The following BRINP3 variants were observed in gnomAD, a reference collection of about 807,000 sequenced individuals.
The protein encoded by BRINP3 is BMP/retinoic acid-inducible neural-specific protein 3.
A neutral mutation model predicts 71.0 loss-of-function variants in BRINP3; 19 were observed. The observed-to-expected ratio is 0.27, with a 90% CI of 0.19 to 0.39. BRINP3 has a LOEUF of 0.39. Ranked by LOEUF, BRINP3 falls within the 10% of genes least tolerant of loss-of-function variation. The probability of loss-of-function intolerance (pLI) is 1.00; values close to 1 mark genes in which losing one functional copy is unlikely to be tolerated. For synonymous variants in BRINP3, 380 were observed against 337.7 expected, an observed-to-expected ratio of 1.13 and a Z score of -1.37; for missense variants, 959 against 940.8, an observed-to-expected ratio of 1.02 and a Z score of -0.25.
intron 7 of BRINP3, among the ~76,000 whole-genome samples, chr1:190,127,701 C>T (rs940987576): frequency 2.0e-5 from 3 of 151,808 alleles, no homozygotes; most frequent in Non-Finnish European, 2.9e-5. Context: ...GTAAAGATTG[C>T]ACATTTCAGT....
At chr1:190,348,401 C>A (rs1668161061) in intron 2 of BRINP3, among the ~76,000 whole-genome samples, 1 of 152,090 alleles carries the variant, frequency 6.6e-6, no homozygotes, top group South Asian at 2.1e-4. Context: ...ACTAACAAAT[C>A]TGAAGAGAAA....
At chr1:190,211,075 T>A (rs528708008) in intron 6 of BRINP3, among the ~76,000 whole-genome samples, 3 of 151,932 alleles carry the variant, frequency 2.0e-5, no homozygotes, top group Admixed American at 2.0e-4. Context: ...ACTTTTGAGG[T>A]TTTTGGACTC....
At chr1:190,421,397 C>T (rs1305100527) in intron 2 of BRINP3, among the ~76,000 whole-genome samples, 1 of 150,268 alleles carries the variant, frequency 6.7e-6, no homozygotes, top group Non-Finnish European at 1.5e-5. Flanking sequence ...ACTACTTAGG[C>T]CACTGATAAA....
intron 7 of BRINP3, among the ~76,000 whole-genome samples, chr1:190,110,024 T>C (rs1228514796): frequency 6.6e-6 from 1 of 152,206 alleles, no homozygotes; most frequent in Non-Finnish European, 1.5e-5. Flanking sequence ...TGTATGTATA[T>C]CTGTATATAT....
intron 6 of BRINP3, among the ~76,000 whole-genome samples, chr1:190,183,791 C>G (rs1653257610): frequency 6.6e-6 from 1 of 152,100 alleles, no homozygotes. Context: ...TTCTATCATA[C>G]CACCACAATA....
intron 3 of BRINP3, among the ~76,000 whole-genome samples, chr1:190,281,333 A>G (rs1052347376): frequency 6.6e-6 from 1 of 152,000 alleles, no homozygotes; most frequent in Non-Finnish European, 1.5e-5. Flanking sequence ...GTATGTTATT[A>G]GATTGTAAAT....
chr1:190,403,669 T>C (rs1406907463), intron 2 of BRINP3, among the ~76,000 whole-genome samples: 2 of 152,174 alleles, frequency 1.3e-5, no homozygotes, highest in African/African-American at 4.8e-5. Context: ...GAAATAAACT[T>C]TCTAGAGAAA....
At chr1:190,273,270 C>A (rs749106560) in intron 3 of BRINP3, among the ~76,000 whole-genome samples, 11 of 151,400 alleles carry the variant, frequency 7.3e-5, no homozygotes, top group African/African-American at 2.7e-4. Context: ...TAAATGATTG[C>A]GTTCAAAAGT....
intron 6 of BRINP3, among the ~76,000 whole-genome samples, chr1:190,196,692 T>A (rs1654510014): frequency 6.6e-6 from 1 of 152,000 alleles, no homozygotes; most frequent in East Asian, 1.9e-4. Context: ...TGAATATATG[T>A]AACTCTTAAG....
At chr1:190,225,633 T>C (rs922671349) in intron 6 of BRINP3, among the ~76,000 whole-genome samples, 9 of 151,986 alleles carry the variant, frequency 5.9e-5, no homozygotes, top group Admixed American at 5.3e-4. Flanking sequence ...CAAAACACTA[T>C]AAAATTAAAA....
rs374842769 is a variant in BRINP3, at chr1:190,118,020, T to G, written c.1185-18886A>C. 3.3e-5 allele frequency among the ~76,000 whole-genome samples: 5 copies of G among 152,174 alleles called. No individual in the cohort carries two copies. The East Asian group carries it at 9.7e-4, about 29-fold the overall frequency. On this transcript the variant is annotated intron_variant, in intron 7 of 7. Transcript: ENST00000367462. ...ACAGCAGAAGTTGTCACCAAAGGTT[T>G]GGTTAGAACCAAATGCATTATGTTT...
At chr1:190,350,359 A>G (rs571125908) in intron 2 of BRINP3, among the ~76,000 whole-genome samples, 1 of 152,122 alleles carries the variant, frequency 6.6e-6, no homozygotes, top group Non-Finnish European at 1.5e-5. Context: ...AAGTTCCTAA[A>G]AAGTACAAAC....
chr1:190,138,626 T>G (rs548833873), intron 7 of BRINP3, among the ~76,000 whole-genome samples: 1 of 152,180 alleles, frequency 6.6e-6, no homozygotes, highest in Admixed American at 6.5e-5. Context: ...GAGAAATAAT[T>G]GAACGCTGTG....
chr1:190,457,379 G>T (rs1421126300), intron 1 of BRINP3, among the ~76,000 whole-genome samples: 1 of 152,058 alleles, frequency 6.6e-6, no homozygotes, highest in Non-Finnish European at 1.5e-5. Flanking sequence ...GGGAGACAGG[G>T]GTTGCGGTGA....
At chr1:190,158,800 A>C (rs1242311297) in intron 7 of BRINP3, among the ~76,000 whole-genome samples, 4 of 151,916 alleles carry the variant, frequency 2.6e-5, no homozygotes, top group African/African-American at 9.7e-5. Context: ...ACTATCAAGA[A>C]AACTAAAAGT....
At chr1:190,121,419 C>A (rs892903013) in intron 7 of BRINP3, among the ~76,000 whole-genome samples, 2 of 152,022 alleles carry the variant, frequency 1.3e-5, no homozygotes, top group African/African-American at 2.4e-5. Flanking sequence ...ATTAAGGTAA[C>A]TTAAAACAAA....
chr1:190,393,062 TATA>T (rs1461733154), intron 2 of BRINP3, among the ~76,000 whole-genome samples: 1 of 151,570 alleles, frequency 6.6e-6, no homozygotes, highest in Non-Finnish European at 1.5e-5. Context: ...CATTATATAT[TATA>T]ATATTAAGGG....
At chr1:190,303,736 T>C (rs1203276538) in intron 2 of BRINP3, among the ~76,000 whole-genome samples, 1 of 151,820 alleles carries the variant, frequency 6.6e-6, no homozygotes, top group Admixed American at 6.6e-5. Context: ...ATTAACTACT[T>C]TGAATTTGGC....
chr1:190,211,048 A>G (rs1655940505), intron 6 of BRINP3, among the ~76,000 whole-genome samples: 1 of 152,080 alleles, frequency 6.6e-6, no homozygotes, highest in South Asian at 2.1e-4. Context: ...ACTGAAGGCT[A>G]CACTGTCAGC....
Sources: allele counts gnomAD v4.1 joint callset (sites outside exome capture counted in the v4.1 genomes callset), GRCh38; gene constraint gnomAD v4.1.1; transcripts MANE v1.5; gene names NCBI Gene and HGNC (gene_info 2026-07-23, HGNC 2026-07-21).